GABRA5: variants seen among roughly 807,000 people sequenced by gnomAD.
GABRA5 encodes the protein gamma-aminobutyric acid type A receptor subunit alpha5, also known as gamma-aminobutyric acid receptor subunit alpha-5.
GABRA5 carries 18 observed loss-of-function variants against 47.3 expected under a neutral mutation model. That is an observed-to-expected ratio of 0.38 (90% confidence interval 0.26 to 0.56). The LOEUF (loss-of-function observed/expected upper bound fraction) is 0.56, where lower values mean the gene tolerates loss of function less well. Among genes scored for constraint, GABRA5 ranks in the 20% least tolerant of loss-of-function variants. GABRA5 has a pLI of 0.71. For synonymous variants in GABRA5, 237 were observed against 229.3 expected, an observed-to-expected ratio of 1.03 and a Z score of -0.30; for missense variants, 365 against 599.3, an observed-to-expected ratio of 0.61 and a Z score of 4.08.
intron 7 of GABRA5, among the ~76,000 whole-genome samples, chr15:26,918,695 A>T (rs187396427): frequency 6.6e-6 from 1 of 152,274 alleles, no homozygotes; most frequent in East Asian, 1.9e-4. Context: ...TTATCATTAC[A>T]TATTGTTCTT....
At chr15:26,927,594 T>C (rs1272256327) in intron 7 of GABRA5, among the ~76,000 whole-genome samples, 1 of 152,212 alleles carries the variant, frequency 6.6e-6, no homozygotes, top group Non-Finnish European at 1.5e-5. Context: ...CTCAGTTATA[T>C]GATTTCAGCT....
At chr15:26,871,493 T>G (rs1892470996) in intron 3 of GABRA5, among the ~76,000 whole-genome samples, 1 of 152,198 alleles carries the variant, frequency 6.6e-6, no homozygotes, top group Non-Finnish European at 1.5e-5. Context: ...GGAGCAGTTT[T>G]TAATCTTTTA....
At position 26,869,318 on chromosome 15, in the gene GABRA5, T is replaced by G. The variant is rs576861235; in HGVS notation, c.70T>G (p.Leu24Val). The part of the protein sequence containing the change: ...NLLLFCISMN[L>V]SSHFGFSQMP... The stretch of plus-strand genomic sequence containing the variant: ...CCTTCTCTTTTGTATTTCCATGAAC[T>G]TATCCAGTCACTTTGGGTAAGTTAC... Residue 24 changes from leucine (L) to valine (V), a missense_variant, in exon 3 of 11, where the codon TTA becomes GTA. Leu to Val is a conservative substitution (Grantham distance 32). Transcript: ENST00000335625. The G allele has an allele frequency of 1.2e-6, 2 of 1,602,752 alleles. No homozygotes were observed. Among genetic ancestry groups the G allele is most frequent in the African/African-American group, 1.3e-5 (1 of 74,792 alleles).
chr15:26,909,688 C>G lies in GABRA5; in HGVS notation c.498-5115C>G, dbSNP rs140225574. On this transcript the variant is annotated intron_variant, in intron 6 of 10. Coordinates refer to ENST00000335625, the MANE Select transcript of GABRA5 (RefSeq NM_000810.4). ...CATGTTTTTCTCTGAATCTGACACT[C>G]TTGTCTCCCTCTTAGAAGGACCTTT... Among the ~76,000 whole-genome samples the G allele has an allele frequency of 3.5e-3, 534 of 152,320 alleles. 3 individuals are homozygous for G. Among genetic ancestry groups the G allele is most frequent in the African/African-American group, 0.012 (505 of 41,574 alleles).
intron 6 of GABRA5, among the ~76,000 whole-genome samples, chr15:26,897,360 G>A (rs1566872472): frequency 2.0e-5 from 3 of 152,168 alleles, no homozygotes; most frequent in African/African-American, 4.8e-5. Context: ...AAGACCATGC[G>A]AGGACACAGG....
At chr15:26,899,615 G>A (rs1048557493) in intron 6 of GABRA5, among the ~76,000 whole-genome samples, 1 of 152,098 alleles carries the variant, frequency 6.6e-6, no homozygotes, top group African/African-American at 2.4e-5. Flanking sequence ...TTTCCATTTT[G>A]AGTTTCATAT....
In GABRA5 at chr15:26,948,496, C is replaced by A. The variant is rs1450536528; in HGVS notation, c.*263C>A. 4 of 432,148 alleles carry A rather than the reference C, an allele frequency of 9.3e-6. No homozygotes were observed. The East Asian group carries it at 1.4e-4, about 16-fold the overall frequency. The allele number at this position is 432,148 out of a possible 1,614,324, so 26.8% of individuals were successfully genotyped here. A position where few individuals can be genotyped will look rare whatever the true frequency, so the allele number is the denominator to read the frequency against. The stretch of plus-strand genomic sequence containing the variant: ...TGACACTCAGATGCCCAGTATCATA[C>A]GTTGATAGTTTACAAACAAGATACG... On this transcript the variant is annotated 3_prime_UTR_variant, in exon 11 of 11. Coordinates refer to ENST00000335625, the MANE Select transcript of GABRA5 (RefSeq NM_000810.4).
intron 6 of GABRA5, among the ~76,000 whole-genome samples, chr15:26,889,875 G>A (rs79708502): frequency 0.011 from 1,603 of 152,268 alleles, 36 homozygotes; most frequent in African/African-American, 0.036. Flanking sequence ...GTGTCCCTGC[G>A]TGTAGACATT....
intron 1 of GABRA5, chr15:26,868,248 C>T (rs897429251): frequency 1.3e-5 from 2 of 152,110 alleles, no homozygotes; most frequent in African/African-American, 4.8e-5. Flanking sequence ...CCGGGCCCCG[C>T]GACGAGCCCC....
rs1233100269 is a variant in GABRA5, at chr15:26,948,844, T to C, written c.*611T>C. ...TAACAGAAATACATCATATGTTAGA[T>C]ACACAAAATATTTCCCTGAGGAAAA... On this transcript the variant is annotated 3_prime_UTR_variant, in exon 11 of 11. Coordinates refer to ENST00000335625, the MANE Select transcript of GABRA5 (RefSeq NM_000810.4). The C allele has an allele frequency of 6.6e-6, 1 of 152,234 alleles. No individual in the cohort carries two copies. The highest frequency in any genetic ancestry group is 1.5e-5 in the Non-Finnish European group (1 of 68,064). 9.4% of individuals were successfully genotyped at this position (152,234 alleles called of 1,614,324 possible).
chr15:26,940,427 A>T lies in GABRA5; in HGVS notation c.877+350A>T, dbSNP rs146538984. Reference sequence around the variant, plus strand: ...ATGCTTGGGACCGGAAGTGTTTCAGATATCAGATTTTTTTTAAATTTTGGA... The same window carrying T: ...ATGCTTGGGACCGGAAGTGTTTCAGTTATCAGATTTTTTTTAAATTTTGGA... On this transcript the variant is annotated intron_variant, in intron 9 of 10. Coordinates refer to ENST00000335625, the MANE Select transcript of GABRA5 (RefSeq NM_000810.4). Among the ~76,000 whole-genome samples the T allele has an allele frequency of 9.5e-3, 1,451 of 152,186 alleles. 8 individuals are homozygous for T. Among genetic ancestry groups the T allele is most frequent in the South Asian group, 0.017 (83 of 4,818 alleles).
intron 3 of GABRA5, among the ~76,000 whole-genome samples, chr15:26,872,337 A>G (rs1892492745): frequency 6.6e-6 from 1 of 152,170 alleles, no homozygotes; most frequent in African/African-American, 2.4e-5. Context: ...CTAGCTGGGA[A>G]GGAGGGAGGA....
At chr15:26,927,270 A>ATTTT (rs11400477) in intron 7 of GABRA5, among the ~76,000 whole-genome samples, 1 of 142,222 alleles carries the variant, frequency 7.0e-6, no homozygotes, top group African/African-American at 2.6e-5. Context: ...TGTCCAGCTA[A>ATTTT]TTTTTTTTTT....
At chr15:26,939,841 G>A (rs1595436156) in intron 8 of GABRA5, 84 bp from the exon 9 acceptor site, 2 of 1,412,662 alleles carry the variant, frequency 1.4e-6, no homozygotes, top group East Asian at 4.6e-5. Context: ...ACAGGGGAGT[G>A]GAAGGGAGGC....
At chr15:26,944,907 C>T (rs1390465889) in intron 10 of GABRA5, among the ~76,000 whole-genome samples, 1 of 152,180 alleles carries the variant, frequency 6.6e-6, no homozygotes, top group African/African-American at 2.4e-5. Flanking sequence ...CGTGAGCCCC[C>T]GGGTGAATGG....
At chr15:26,939,492 C>G (rs1413346286) in intron 8 of GABRA5, 2 of 722,620 alleles carry the variant, frequency 2.8e-6, no homozygotes, top group Non-Finnish European at 5.0e-6. Flanking sequence ...TGGGAGTGGT[C>G]GTCTCACCTC....
intron 6 of GABRA5, among the ~76,000 whole-genome samples, chr15:26,906,902 T>G (rs190425808): frequency 5.3e-5 from 8 of 152,350 alleles, no homozygotes; most frequent in Non-Finnish European, 1.0e-4. Flanking sequence ...ACTTTATATC[T>G]CTTTTGGATA....
Position 26,883,268 on chromosome 15 carries a change from T to A in GABRA5, c.276+35T>A. 6.2e-7 allele frequency: 1 copy of A among 1,612,480 alleles called. No individual in the cohort carries two copies. The highest frequency in any genetic ancestry group is 8.5e-7 in the Non-Finnish European group (1 of 1,178,576). ...GGGGCATGGCTGGGCAGACAATTCT[T>A]ACTCCGCGCCGCAGGCCCCCGCCCA... On this transcript the variant is annotated intron_variant, in intron 5 of 10. Coordinates refer to ENST00000335625, the MANE Select transcript of GABRA5 (RefSeq NM_000810.4). This position sits in a 1 kb window ranked among gnomAD's most constrained non-coding sequence, Gnocchi z 4.8.
intron 4 of GABRA5, among the ~76,000 whole-genome samples, chr15:26,881,997 G>A (rs1274121749): frequency 2.6e-5 from 4 of 152,258 alleles, no homozygotes; most frequent in South Asian, 4.1e-4. Flanking sequence ...ACAGTGCCCC[G>A]CCTAGTATTT....
Sources: allele counts gnomAD v4.1 joint callset (sites outside exome capture counted in the v4.1 genomes callset), GRCh38; gene constraint gnomAD v4.1.1; non-coding constraint Gnocchi (gnomAD v3.1); transcripts MANE v1.5; gene names NCBI Gene and HGNC (gene_info 2026-07-23, HGNC 2026-07-21).